The following TNRC18 variants were observed in gnomAD, a reference collection of about 807,000 sequenced individuals.
TNRC18 encodes trinucleotide repeat containing 18.
A neutral mutation model predicts 226.7 loss-of-function variants in TNRC18; 69 were observed. The observed-to-expected ratio is 0.30, with a 90% confidence interval of 0.25 to 0.37. The LOEUF is 0.37. TNRC18 is among the 10% of genes least tolerant of loss of function. The probability of loss-of-function intolerance (pLI) is 1.00; values close to 1 mark genes in which losing one functional copy is unlikely to be tolerated. For synonymous variants in TNRC18, 2,449 were observed against 1,927.6 expected, an observed-to-expected ratio of 1.27 and a Z score of -7.09; for missense variants, 4,754 against 4,256.6, an observed-to-expected ratio of 1.12 and a Z score of -3.25.
intron 26 of TNRC18, 62 bp downstream of exon 26, chr7:5,314,922 T>C (rs1358532514): frequency 6.6e-7 from 1 of 1,506,750 alleles, no homozygotes; most frequent in Non-Finnish European, 8.9e-7. Flanking sequence ...TCCCAAGCCC[T>C]GAGTTTGGAT....
intron 5 of TNRC18, among the ~76,000 whole-genome samples, chr7:5,386,740 ACTCTAT>A (rs1779819970): frequency 1.3e-5 from 2 of 152,202 alleles, no homozygotes; most frequent in South Asian, 2.1e-4. Context: ...ACAGAGCAAG[ACTCTAT>A]CTCTAAAACA....
At chr7:5,338,038 C>G (rs963070200) in intron 18 of TNRC18, among the ~76,000 whole-genome samples, 6 of 151,716 alleles carry the variant, frequency 4.0e-5, no homozygotes, top group African/African-American at 1.5e-4. Flanking sequence ...GGGTTGATAC[C>G]ATGTGAAAAA....
intron 2 of TNRC18, among the ~76,000 whole-genome samples, chr7:5,409,334 G>A (rs543171957): frequency 6.6e-6 from 1 of 151,788 alleles, no homozygotes; most frequent in Non-Finnish European, 1.5e-5. Context: ...ATGTATGCAT[G>A]AAACAAGAAC....
chr7:5,308,956 G>A lies in TNRC18; in HGVS notation c.8626-7C>T, dbSNP rs766173338. On this transcript the variant is annotated splice_polypyrimidine_tract_variant and splice_region_variant and intron_variant, in intron 28 of 29. Coordinates refer to ENST00000430969, the MANE Select transcript of TNRC18 (RefSeq NM_001080495.3). ...TGGACTTCTGGTCCCAGTGCTGTGT[G>A]GGGGAGAGAGGAGGGGCTTGGGTGA... 2 of 1,598,798 alleles carry A rather than the reference G, an allele frequency of 1.3e-6. No individual in the cohort carries two copies. Among genetic ancestry groups the A allele is most frequent in the South Asian group, 1.1e-5 (1 of 88,518 alleles).
Position 5,388,483 on chromosome 7 carries a change from C to T in TNRC18, c.1341G>A (p.Val447=). ...KRPPPADAPT[V]RATRASPDPR... is the part of the protein sequence containing the mutation. ...GGTCCGGGGAGGCGCGTGTGGCCCG[C>T]ACCGTGGGGGCATCCGCGGGGGGCG... The change falls in exon 5 of 30, where the codon GTG becomes GTA. Residue 447 remains valine, a synonymous_variant. Transcript: ENST00000430969. 2 of 1,384,064 alleles carry T rather than the reference C, an allele frequency of 1.4e-6. No individual in the cohort carries two copies. The highest frequency in any genetic ancestry group is 1.9e-6 in the Non-Finnish European group (2 of 1,078,020). The allele number at this position is 1,384,064 out of a possible 1,614,324, so 85.7% of individuals were successfully genotyped here.
chr7:5,364,839 C>A (rs1165725437), intron 11 of TNRC18, among the ~76,000 whole-genome samples: 1 of 146,544 alleles, frequency 6.8e-6, no homozygotes, highest in African/African-American at 2.5e-5. Context: ...TCAATCAGTA[C>A]ATACTGTATC....
At position 5,415,101 on chromosome 7, in the gene TNRC18, A is replaced by G. The variant is rs190621629; in HGVS notation, c.187+5959T>C. Reference sequence around the variant, plus strand: ...TCATTCCTCAGTTTAAAATTCCAAGACCTCATGACTGGCTTTCAGGGACCT... The same window carrying G: ...TCATTCCTCAGTTTAAAATTCCAAGGCCTCATGACTGGCTTTCAGGGACCT... On this transcript the variant is annotated intron_variant, in intron 2 of 29. Coordinates refer to ENST00000430969, the MANE Select transcript of TNRC18 (RefSeq NM_001080495.3). Among the ~76,000 whole-genome samples the G allele has an allele frequency of 2.0e-5, 3 of 152,068 alleles. No individual in the cohort carries two copies. The East Asian group carries it at 5.8e-4, about 29-fold the overall frequency.
chr7:5,336,128 G>C, intron 18 of TNRC18, among the ~76,000 whole-genome samples: 1 of 151,518 alleles, frequency 6.6e-6, no homozygotes, highest in Non-Finnish European at 1.5e-5. Flanking sequence ...AATTACTTGA[G>C]CCCAGGAGGC....
At chr7:5,346,262 G>C (rs1193945426) in intron 17 of TNRC18, among the ~76,000 whole-genome samples, 3 of 152,202 alleles carry the variant, frequency 2.0e-5, no homozygotes, top group Admixed American at 2.0e-4. Flanking sequence ...AGGGGTTCTG[G>C]GCACAGGTGC....
Position 5,351,832 on chromosome 7 carries a change from T to G in TNRC18, c.5457A>C (p.Glu1819Asp). 6.3e-7 allele frequency: 1 copy of G among 1,587,358 alleles called. No homozygotes were observed. ...ARSSFSDSSEESFDQDESSEE... is the reference protein window; with the variant it reads ...ARSSFSDSSEDSFDQDESSEE... ...GGAGCTAGTAACCTTGGTCAAACGATTCCTCCGAAGAGTCGCTGAAGGAGG... is the reference window on the plus strand; with the variant it reads ...GGAGCTAGTAACCTTGGTCAAACGAGTCCTCCGAAGAGTCGCTGAAGGAGG... The change falls in exon 17 of 30, where the codon GAA (glutamate) becomes GAC (aspartate). Residue 1819 changes from glutamate (E) to aspartate (D), a missense_variant. Coordinates refer to ENST00000430969, the MANE Select transcript of TNRC18 (RefSeq NM_001080495.3).
intron 2 of TNRC18, among the ~76,000 whole-genome samples, chr7:5,408,969 A>G (rs974348074): frequency 6.6e-6 from 1 of 152,208 alleles, no homozygotes; most frequent in Non-Finnish European, 1.5e-5. Context: ...CGAATCATCA[A>G]CCTTAACATG....
chr7:5,328,820 T>C (rs1161966014), intron 19 of TNRC18, among the ~76,000 whole-genome samples: 1 of 151,878 alleles, frequency 6.6e-6, no homozygotes. Context: ...GAGACCACCG[T>C]CTCTTATTAA....
At chr7:5,315,839 TTCCA>T in intron 25 of TNRC18, 113 bp downstream of exon 25, 1 of 718,742 alleles carries the variant, frequency 1.4e-6, no homozygotes, top group South Asian at 2.2e-5. Context: ...CTTCTGCTGC[TTCCA>T]TCACCTGTGG....
At chr7:5,372,199 C>G (rs973896954) in intron 10 of TNRC18, among the ~76,000 whole-genome samples, 17 of 152,104 alleles carry the variant, frequency 1.1e-4, no homozygotes, top group Admixed American at 3.9e-4. Flanking sequence ...TCCCAAGTAG[C>G]TGGGACGACA....
intron 19 of TNRC18, among the ~76,000 whole-genome samples, chr7:5,332,374 A>C (rs902494328): frequency 2.0e-5 from 3 of 152,198 alleles, no homozygotes; most frequent in Non-Finnish European, 4.4e-5. Flanking sequence ...TAAAGGCTGC[A>C]GTGAGCCATG....
intron 11 of TNRC18, among the ~76,000 whole-genome samples, chr7:5,364,218 A>C (rs1022577853): frequency 1.3e-5 from 2 of 152,096 alleles, no homozygotes; most frequent in African/African-American, 4.8e-5. Flanking sequence ...GAACTGCTTA[A>C]ACTCAGGAGG....
rs137951289 is a variant in TNRC18, at chr7:5,391,853, A to T, written c.344-1225T>A. Among the ~76,000 whole-genome samples the T allele has an allele frequency of 2.4e-3, 311 of 130,896 alleles. 2 individuals carry two copies. Among genetic ancestry groups the T allele is most frequent in the African/African-American group, 7.7e-3 (297 of 38,466 alleles). 85.9% of individuals were successfully genotyped at this position (130,896 alleles called of 152,430 possible). A position where few individuals can be genotyped will look rare whatever the true frequency, so the allele number is the denominator to read the frequency against. On this transcript the variant is annotated intron_variant, in intron 3 of 29. Transcript: ENST00000430969. The stretch of plus-strand genomic sequence containing the variant: ...CTCTATTTAAAAAAAAAAAAAAAAA[A>T]TTTAAATAGTTTTTTTTTTTTAAAG...
Position 5,394,725 on chromosome 7 carries a change from G to C in TNRC18, c.188-130C>G. 1 of 707,114 alleles carries C rather than the reference G, an allele frequency of 1.4e-6. No homozygotes were observed. The highest frequency in any genetic ancestry group is 2.3e-6 in the Non-Finnish European group (1 of 428,796). The allele number at this position is 707,114 out of a possible 1,614,324, so 43.8% of individuals were successfully genotyped here. Reference sequence around the variant, plus strand: ...GCTGTGTGGAGCTGATGCTGGCCAGGAGACCAAAGAGGGTTCCCCTGCTCC... The same window carrying C: ...GCTGTGTGGAGCTGATGCTGGCCAGCAGACCAAAGAGGGTTCCCCTGCTCC... On this transcript the variant is annotated intron_variant, in intron 2 of 29. Transcript: ENST00000430969. This position sits in a 1 kb window ranked among gnomAD's most constrained non-coding sequence, Gnocchi z 4.5.
At chr7:5,395,210 C>T (rs947982486) in intron 2 of TNRC18, among the ~76,000 whole-genome samples, 1 of 152,210 alleles carries the variant, frequency 6.6e-6, no homozygotes, top group Admixed American at 6.5e-5. Context: ...TGCAGGGTGT[C>T]CCCCAGCCCA....
Sources: allele counts gnomAD v4.1 joint callset (sites outside exome capture counted in the v4.1 genomes callset), GRCh38; gene constraint gnomAD v4.1.1; non-coding constraint Gnocchi (gnomAD v3.1); transcripts MANE v1.5; gene names NCBI Gene and HGNC (gene_info 2026-07-23, HGNC 2026-07-21).